METAP1: variants seen among roughly 807,000 people sequenced by gnomAD.
The protein encoded by METAP1 is methionyl aminopeptidase 1.
METAP1 carries 28 observed loss-of-function variants against 53.8 expected under a neutral mutation model. The observed-to-expected ratio is 0.52, with a 90% confidence interval of 0.39 to 0.71. The LOEUF (loss-of-function observed/expected upper bound fraction) is 0.71. Among genes scored for constraint, METAP1 ranks in the 30% least tolerant of loss-of-function variants. METAP1 has a pLI of 0.00. For missense variants in METAP1, 389 were observed against 479.8 expected (o/e 0.81, Z 1.77); for synonymous variants, 181 against 165.7 (o/e 1.09, Z -0.71).
chr4:99,035,837 C>T (rs1725385392), intron 4 of METAP1: 3 of 158,622 alleles, frequency 1.9e-5, no homozygotes, highest in East Asian at 1.8e-4. Flanking sequence ...AGACTTTGGA[C>T]TGTAACATTA....
intron 1 of METAP1, among the ~76,000 whole-genome samples, chr4:99,013,725 A>C (rs1254931284): frequency 1.3e-5 from 2 of 152,216 alleles, no homozygotes; most frequent in African/African-American, 4.8e-5. Context: ...GAAAAGAGGA[A>C]GTTAGTGATG....
intron 1 of METAP1, chr4:99,026,424 G>C (rs1178259033): frequency 3.0e-6 from 3 of 985,306 alleles, no homozygotes; most frequent in Non-Finnish European, 1.2e-6. Context: ...TTTAGAGAAA[G>C]TAGCATTTGA....
chr4:99,038,252 C>G (rs932293236), intron 4 of METAP1, among the ~76,000 whole-genome samples: 2 of 151,910 alleles, frequency 1.3e-5, no homozygotes, highest in Admixed American at 1.3e-4. Context: ...CCTTTCTTTT[C>G]TAGTTTTATA....
At chr4:99,005,032 C>A (rs911382419) in intron 1 of METAP1, among the ~76,000 whole-genome samples, 2 of 152,018 alleles carry the variant, frequency 1.3e-5, no homozygotes, top group Non-Finnish European at 2.9e-5. Flanking sequence ...CTTGGGTATA[C>A]CCCTAAGGAG....
At chr4:99,040,920 T>C (rs561541681) in intron 5 of METAP1, 123 bp from the exon 6 acceptor site, 342 of 348,564 alleles carry the variant, frequency 9.8e-4, no homozygotes, top group African/African-American at 5.2e-3. Context: ...ATATATTTTC[T>C]ATAAAATTAT....
chr4:99,058,863 CTATCTTGCCA>C (rs1439086679), intron 10 of METAP1, among the ~76,000 whole-genome samples: 1 of 152,224 alleles, frequency 6.6e-6, no homozygotes, highest in Non-Finnish European at 1.5e-5. Context: ...ATTAGAATCT[CTATCTTGCCA>C]ACACCCAGGG....
chr4:99,000,225 T>A (rs1722855368), intron 1 of METAP1, among the ~76,000 whole-genome samples: 1 of 152,234 alleles, frequency 6.6e-6, no homozygotes, highest in African/African-American at 2.4e-5. Flanking sequence ...TTTAACTTTG[T>A]GAATAGCATA....
At chr4:99,008,806 A>G (rs553522951) in intron 1 of METAP1, among the ~76,000 whole-genome samples, 9 of 152,202 alleles carry the variant, frequency 5.9e-5, no homozygotes, top group Admixed American at 2.0e-4. Flanking sequence ...ATCTTTCAAA[A>G]TAAAATAGAA....
At position 98,995,768 on chromosome 4, in the gene METAP1, G is replaced by A. The variant is rs1722585826; in HGVS notation, c.15G>A (p.Glu5=). The change falls in exon 1 of 11, where the codon GAG becomes GAA. Residue 5 remains glutamate (E), a synonymous_variant. Transcript: ENST00000296411. MAAV[E]TRVCETDGCS... is the part of the protein sequence containing the mutation. Reference sequence around the variant, plus strand: ...GGGCAGGCAGCATGGCGGCCGTGGAGACGCGGGTGTGCGAGACAGACGGCT... The same window carrying A: ...GGGCAGGCAGCATGGCGGCCGTGGAAACGCGGGTGTGCGAGACAGACGGCT... 1.3e-6 allele frequency: 2 copies of A among 1,544,744 alleles called. No homozygotes were observed. The highest frequency in any genetic ancestry group is 1.7e-6 in the Non-Finnish European group (2 of 1,143,902).
At chr4:99,020,300 T>C (rs1199441125) in intron 1 of METAP1, among the ~76,000 whole-genome samples, 1 of 152,182 alleles carries the variant, frequency 6.6e-6, no homozygotes. Flanking sequence ...CAGAGGTGGT[T>C]AAAGGGGCGT....
chr4:99,032,655 C>T (rs1725128644), intron 2 of METAP1, among the ~76,000 whole-genome samples: 1 of 152,158 alleles, frequency 6.6e-6, no homozygotes. Flanking sequence ...TGCAAAAAGC[C>T]TGCGTCTTGA....
At chr4:99,014,512 G>T (rs188225330) in intron 1 of METAP1, among the ~76,000 whole-genome samples, 1 of 151,938 alleles carries the variant, frequency 6.6e-6, no homozygotes, top group Non-Finnish European at 1.5e-5. Context: ...TTTGTTTATC[G>T]TGACCCACCA....
intron 1 of METAP1, among the ~76,000 whole-genome samples, 176 bp from the exon 2 acceptor site, chr4:99,028,691 A>G (rs1432186345): frequency 6.6e-6 from 1 of 152,198 alleles, no homozygotes. Context: ...TTGCTTTTTG[A>G]AGTGAATATT....
chr4:99,045,452 TG>T, intron 8 of METAP1, 142 bp downstream of exon 8: 1 of 824,514 alleles, frequency 1.2e-6, no homozygotes, highest in Non-Finnish European at 1.8e-6. Flanking sequence ...TTAGCAGTAA[TG>T]GGTAAAAGGA....
At chr4:99,051,030 C>T (rs1347613852) in intron 9 of METAP1, among the ~76,000 whole-genome samples, 1 of 152,166 alleles carries the variant, frequency 6.6e-6, no homozygotes, top group Non-Finnish European at 1.5e-5. Context: ...GACTTCATTC[C>T]TTCCTTTTAT....
At chr4:99,041,979 G>T (rs1263232493) in intron 6 of METAP1, among the ~76,000 whole-genome samples, 1 of 151,826 alleles carries the variant, frequency 6.6e-6, no homozygotes, top group African/African-American at 2.4e-5. Context: ...AGTATGCTCT[G>T]TGGGCCAGGT....
At chr4:99,051,650 C>T (rs1726713364) in intron 9 of METAP1, among the ~76,000 whole-genome samples, 1 of 152,134 alleles carries the variant, frequency 6.6e-6, no homozygotes, top group Admixed American at 6.5e-5. Context: ...CTCAGGCTCC[C>T]AAGGAGCTGG....
At chr4:99,025,493 G>A (rs868009206) in intron 1 of METAP1, 2 of 971,076 alleles carry the variant, frequency 2.1e-6, no homozygotes, top group Middle Eastern at 5.3e-4. Context: ...GATTCTGATT[G>A]AATTTGAAGT....
intron 6 of METAP1, 146 bp downstream of exon 6, chr4:99,041,272 T>C (rs903560542): frequency 1.5e-5 from 7 of 470,100 alleles, no homozygotes; most frequent in African/African-American, 9.7e-5. Flanking sequence ...GTTTCAAATA[T>C]GGAAAACATT....
Sources: gnomAD v4.1 joint callset for allele counts (sites outside exome capture counted in the v4.1 genomes callset) on GRCh38, gnomAD v4.1.1 for gene constraint, MANE v1.5 for transcripts, NCBI Gene and HGNC (gene_info 2026-07-23, HGNC 2026-07-21) for gene names.